MYLK4: variants seen among roughly 807,000 people sequenced by gnomAD.
The protein encoded by MYLK4 is myosin light chain kinase family member 4, also known as caMLCK like.
MYLK4 carries 46 observed loss-of-function variants against 48.1 expected under a neutral mutation model. The observed-to-expected ratio is 0.96, with a 90% CI of 0.75 to 1.22. The LOEUF (loss-of-function observed/expected upper bound fraction) is 1.22, where lower values mean the gene tolerates loss of function less well. MYLK4 is among the 50% of genes most tolerant of loss of function. The pLI is 0.00. For synonymous variants in MYLK4, 170 were observed against 180.8 expected (o/e 0.94, Z 0.48); for missense variants, 451 against 486.1 (o/e 0.93, Z 0.68).
At chr6:2,710,564 C>T (rs1197763393) in intron 2 of MYLK4, among the ~76,000 whole-genome samples, 1 of 152,120 alleles carries the variant, frequency 6.6e-6, no homozygotes, top group African/African-American at 2.4e-5. Flanking sequence ...GCTTCCTTAC[C>T]CCTCCCTAAT....
the MYLK4 span, among the ~76,000 whole-genome samples, chr6:2,757,341 T>G: frequency 6.6e-6 from 1 of 152,142 alleles, no homozygotes; most frequent in Non-Finnish European, 1.5e-5. Context: ...GGAAAACATC[T>G]TCAGTGTGAA....
intron 2 of MYLK4, among the ~76,000 whole-genome samples, chr6:2,694,507 T>TGGCGGC (rs1761953020): frequency 3.7e-5 from 1 of 26,882 alleles, no homozygotes; most frequent in Non-Finnish European, 7.4e-5. Flanking sequence ...GTGGTGGTGG[T>TGGCGGC]GGTGGCGGTG....
At chr6:2,721,583 C>A (rs1042032906) in intron 2 of MYLK4, among the ~76,000 whole-genome samples, 27 of 152,326 alleles carry the variant, frequency 1.8e-4, no homozygotes, top group Admixed American at 1.6e-3. Flanking sequence ...GCATCGCAAG[C>A]TCAGAGATCT....
At chr6:2,721,224 C>T (rs1398212112) in intron 2 of MYLK4, among the ~76,000 whole-genome samples, 1 of 152,094 alleles carries the variant, frequency 6.6e-6, no homozygotes, top group African/African-American at 2.4e-5. Context: ...AAGAAAGGTT[C>T]CTAGACTGAA....
chr6:2,766,034 G>T, the MYLK4 span: 1 of 1,305,854 alleles, frequency 7.7e-7, no homozygotes, highest in African/African-American at 1.5e-5. Flanking sequence ...CGGGAGGAAG[G>T]GGTCGGGGAA....
intron 10 of MYLK4, among the ~76,000 whole-genome samples, chr6:2,677,768 T>A (rs1321026832): frequency 1.3e-5 from 2 of 152,198 alleles, no homozygotes; most frequent in African/African-American, 4.8e-5. Flanking sequence ...GATTTCTGCC[T>A]CATGGAGTTG....
chr6:2,674,402 T>G (rs1256441228), intron 11 of MYLK4, among the ~76,000 whole-genome samples: 3 of 152,196 alleles, frequency 2.0e-5, no homozygotes, highest in African/African-American at 7.2e-5. Flanking sequence ...GAATGAACAT[T>G]ACTATATATT....
At chr6:2,732,278 T>C (rs1763504596) in intron 2 of MYLK4, among the ~76,000 whole-genome samples, 1 of 152,148 alleles carries the variant, frequency 6.6e-6, no homozygotes, top group African/African-American at 2.4e-5. Context: ...TTATGCACAG[T>C]ATATATTTAC....
At chr6:2,743,223 G>C (rs932028387) in intron 2 of MYLK4, among the ~76,000 whole-genome samples, 1 of 152,182 alleles carries the variant, frequency 6.6e-6, no homozygotes, top group Non-Finnish European at 1.5e-5. Context: ...CAATGATTCA[G>C]ACTGTTTTCC....
the MYLK4 span, among the ~76,000 whole-genome samples, chr6:2,757,364 G>A: frequency 6.6e-6 from 1 of 152,118 alleles, no homozygotes; most frequent in Non-Finnish European, 1.5e-5. Flanking sequence ...AAGCCTGGGA[G>A]GCAGAGGGCA....
Position 2,692,879 on chromosome 6 carries a change from T to C in MYLK4, c.160-20A>G. ...CTTCGCCTGTGGAGGCACAATTGAG[T>C]AATTGAAGTTACATATCACATCTGG... On this transcript the variant is annotated intron_variant, in intron 2 of 12. Coordinates refer to ENST00000274643, the MANE Select transcript of MYLK4 (RefSeq NM_001012418.5). The C allele has an allele frequency of 6.2e-7, 1 of 1,607,080 alleles. No individual in the cohort carries two copies. The highest frequency in any genetic ancestry group is 1.3e-5 in the African/African-American group (1 of 74,850).
intron 2 of MYLK4, among the ~76,000 whole-genome samples, chr6:2,721,497 G>T (rs1015926677): frequency 6.6e-6 from 1 of 151,920 alleles, no homozygotes; most frequent in Non-Finnish European, 1.5e-5. Flanking sequence ...AAAGCAACTG[G>T]ATGGTTTAAC....
chr6:2,684,165 A>T (rs1274783279), intron 6 of MYLK4, among the ~76,000 whole-genome samples: 1 of 152,194 alleles, frequency 6.6e-6, no homozygotes, highest in Non-Finnish European at 1.5e-5. Context: ...GTCAAATGAT[A>T]GTTCCGTGAA....
chr6:2,674,926 T>G (rs1307605866), intron 11 of MYLK4, 121 bp downstream of exon 11: 3 of 823,806 alleles, frequency 3.6e-6, no homozygotes, highest in African/African-American at 1.7e-5. Context: ...GCACAAGATT[T>G]GCAGTCTGTG....
intron 2 of MYLK4, among the ~76,000 whole-genome samples, chr6:2,711,632 GAA>G (rs1762676575): frequency 6.6e-6 from 1 of 152,190 alleles, no homozygotes; most frequent in Non-Finnish European, 1.5e-5. Context: ...CAGCTCTATG[GAA>G]GGACCACGAC....
At chr6:2,684,880 A>G (rs1362961757) in intron 6 of MYLK4, among the ~76,000 whole-genome samples, 1 of 152,034 alleles carries the variant, frequency 6.6e-6, no homozygotes, top group Admixed American at 6.5e-5. Flanking sequence ...CTAACTAACC[A>G]GTCCTTATGT....
At chr6:2,718,361 C>T (rs1386738984) in intron 2 of MYLK4, among the ~76,000 whole-genome samples, 9 of 152,170 alleles carry the variant, frequency 5.9e-5, no homozygotes, top group Non-Finnish European at 1.3e-4. Flanking sequence ...TATCCTTCTC[C>T]CTTCTTCTAT....
At chr6:2,674,896 AT>A (rs1452792173) in intron 11 of MYLK4, 150 bp downstream of exon 11, 2 of 684,120 alleles carry the variant, frequency 2.9e-6, no homozygotes, top group Non-Finnish European at 4.8e-6. Flanking sequence ...TTAAAAAAGC[AT>A]TTTAAGTAAT....
chr6:2,719,218 A>C (rs1473863596), intron 2 of MYLK4, among the ~76,000 whole-genome samples: 1 of 152,194 alleles, frequency 6.6e-6, no homozygotes, highest in African/African-American at 2.4e-5. Context: ...ACATACACGA[A>C]AAAACACTCC....
Sources: gnomAD v4.1 joint callset for allele counts (sites outside exome capture counted in the v4.1 genomes callset) on GRCh38, gnomAD v4.1.1 for gene constraint, MANE v1.5 for transcripts, NCBI Gene and HGNC (gene_info 2026-07-23, HGNC 2026-07-21) for gene names.